Variants in TRIOBP observed in about 807,000 individuals in gnomAD.
TRIOBP encodes the protein TRIO and F-actin binding protein.
Under a neutral mutation model 238.8 loss-of-function variants are expected in TRIOBP, and 169 were observed. That is an observed-to-expected ratio of 0.71 (90% confidence interval 0.62 to 0.80). The LOEUF (loss-of-function observed/expected upper bound fraction) is 0.80, where lower values mean the gene tolerates loss of function less well. TRIOBP is among the 30% of genes least tolerant of loss of function. TRIOBP has a pLI of 0.00. For synonymous variants in TRIOBP, 1,150 were observed against 1,274.4 expected (o/e 0.90, Z 2.08); for missense variants, 2,838 against 3,122.6 (o/e 0.91, Z 2.17).
Position 37,725,173 on chromosome 22 carries a change from A to T in TRIOBP, c.2617A>T (p.Thr873Ser). Residue 873 changes from threonine to serine, a missense_variant, in exon 7 of 24, where the codon ACC (threonine) becomes TCC (serine). By Grantham distance (58) the Thr-to-Ser change is moderately conservative. This residue lies in a region of TRIOBP where 2,096 missense variants were observed against 2,137.4 expected (regional missense o/e 0.98). Transcript: ENST00000644935. ...NPGTSSSQCC[T>S]QKENLRPSSP... ...TGGAACCTCCTCATCTCAATGCTGC[A>T]CCCAAAAGGAGAATCTGAGACCATC... 1 of 1,614,012 alleles carries T rather than the reference A, an allele frequency of 6.2e-7. No individual in the cohort carries two copies.
intron 4 of TRIOBP, among the ~76,000 whole-genome samples, chr22:37,712,221 T>C (rs539370732): frequency 6.6e-6 from 1 of 152,168 alleles, no homozygotes; most frequent in Non-Finnish European, 1.5e-5. Context: ...GGCATCTTGC[T>C]CTATCACCCA....
intron 9 of TRIOBP, among the ~76,000 whole-genome samples, chr22:37,737,556 GAGGCTAAGAC>G (rs1924731292): frequency 6.6e-6 from 1 of 151,462 alleles, no homozygotes; most frequent in South Asian, 2.1e-4. Context: ...AGCTACTTGG[GAGGCTAAGAC>G]AGGAGAATGG....
chr22:37,701,385 A>T lies in TRIOBP; in HGVS notation c.20A>T (p.Asp7Val), dbSNP rs747005976. MEEVPG[D>V]ALCEHFEANI... ...CCCAATATGGAGGAGGTGCCTGGGG[A>T]TGCCCTGTGTGAACACTTTGAGGCC... The change falls in exon 3 of 24, where the codon GAT becomes GTT. Residue 7 changes from aspartate to valine, a missense_variant. Asp to Val is a radical substitution (Grantham distance 152, BLOSUM62 -3). Coordinates refer to ENST00000644935, the MANE Select transcript of TRIOBP (RefSeq NM_001039141.3). 4.3e-6 allele frequency: 7 copies of T among 1,613,378 alleles called. No individual in the cohort carries two copies. The African/African-American group carries it at 8.0e-5, about 18-fold the overall frequency.
At chr22:37,731,194 G>A (rs1924405193) in intron 7 of TRIOBP, among the ~76,000 whole-genome samples, 1 of 151,984 alleles carries the variant, frequency 6.6e-6, no homozygotes, top group South Asian at 2.1e-4. Flanking sequence ...CTGGAATGCA[G>A]TGGCATGATC....
rs879340508 is a variant in TRIOBP, at chr22:37,723,999, T to C, written c.1443T>C (p.Cys481=). The change falls in exon 7 of 24, where the codon TGT becomes TGC. Residue 481 remains cysteine, a synonymous_variant. Transcript: ENST00000644935. ...CACGAGACAACCCCAGAACATCCTG[T>C]GCCCAGCGGGACAATCCCAGAGCCT... ...RATRDNPRTS[C]AQRDNPRASS... 6.4e-6 allele frequency: 10 copies of C among 1,561,996 alleles called. No homozygotes were observed. Among genetic ancestry groups the C allele is most frequent in the Admixed American group, 5.4e-5 (3 of 55,194 alleles).
At position 37,713,200 on chromosome 22, in the gene TRIOBP, C is replaced by T. The variant is rs1276724019; in HGVS notation, c.255-10C>T. ...TCCCCATTACTTTTTGGGTCTGTCT[C>T]CTCTCCCAGGGGCCCATCCCCCTCA... On this transcript the variant is annotated splice_polypyrimidine_tract_variant and intron_variant, in intron 4 of 23. Coordinates refer to ENST00000644935, the MANE Select transcript of TRIOBP (RefSeq NM_001039141.3). 1.1e-5 allele frequency: 18 copies of T among 1,611,584 alleles called. No individual in the cohort carries two copies. The highest frequency in any genetic ancestry group is 5.5e-5 in the South Asian group (5 of 90,960).
intron 11 of TRIOBP, 32 bp from the exon 12 acceptor site, chr22:37,751,740 C>A (rs763400420): frequency 3.7e-6 from 6 of 1,613,572 alleles, no homozygotes; most frequent in African/African-American, 1.3e-5. Context: ...TCCTGCTGGA[C>A]CCAACTCACC....
At chr22:37,701,849 T>C (rs1321473289) in intron 3 of TRIOBP, among the ~76,000 whole-genome samples, 1 of 152,188 alleles carries the variant, frequency 6.6e-6, no homozygotes, top group Non-Finnish European at 1.5e-5. Context: ...AGGTAGAGGC[T>C]GGGCACGGTG....
rs576868265 is a variant in TRIOBP at position 37,770,736 on chromosome 22, G to T, written c.6850-914G>T. Among the ~76,000 whole-genome samples, 3 of 147,084 alleles carry T rather than the reference G, an allele frequency of 2.0e-5. No homozygotes were observed. The East Asian group carries it at 6.3e-4, about 31-fold the overall frequency. On this transcript the variant is annotated intron_variant, in intron 21 of 23. Transcript: ENST00000644935. ...GTCACTCTGTCACCCAGGCTGGAGT[G>T]CAGTGGCACCATCTCGGCTCACTGC...
rs762227221 is a variant in TRIOBP, at chr22:37,769,157, G to T, written c.6705G>T (p.Gln2235His). Residue 2235 changes from glutamine to histidine, a missense_variant, in exon 20 of 24, where the codon CAG (glutamine) becomes CAT (histidine). Around this residue, in one of 5 missense-constraint regions of TRIOBP, gnomAD observed 2,096 missense variants for 2,137.4 expected, o/e 0.98. Coordinates refer to ENST00000644935, the MANE Select transcript of TRIOBP (RefSeq NM_001039141.3). The stretch of plus-strand genomic sequence containing the variant: ...AGCACACGCTGCGCCGCTGCCAGCA[G>T]GAGGGCCAGGAGCTGCTGCGCCACA... Reference protein sequence around the residue: ...EREHTLRRCQQEGQELLRHNQ... With the variant: ...EREHTLRRCQHEGQELLRHNQ... The T allele has an allele frequency of 1.2e-6, 2 of 1,611,090 alleles. No homozygotes were observed. Among genetic ancestry groups the T allele is most frequent in the Non-Finnish European group, 1.7e-6 (2 of 1,179,092 alleles).
intron 4 of TRIOBP, 96 bp from the exon 5 acceptor site, chr22:37,713,114 G>A: frequency 1.7e-6 from 2 of 1,151,484 alleles, no homozygotes; most frequent in Non-Finnish European, 2.5e-6. Flanking sequence ...CAGCGTGTGG[G>A]CCCCAGGCTC....
Position 37,718,551 on chromosome 22 carries a change from T to C in TRIOBP, c.628+2617T>C, listed in dbSNP as rs537489238. 1.1e-4 allele frequency among the ~76,000 whole-genome samples: 9 copies of C among 82,150 alleles called. No individual in the cohort carries two copies. The South Asian group carries it at 4.2e-3, about 39-fold the overall frequency. The allele number at this position is 82,150 out of a possible 152,430, so 53.9% of individuals were successfully genotyped here. A position where few individuals can be genotyped will look rare whatever the true frequency, so the allele number is the denominator to read the frequency against. ...ATAATATGCCCCCTGATATGATGCA[T>C]GGGGTCAGGGGAGGGGATGCTGGGG... is the stretch of plus-strand genomic sequence containing the variant. On this transcript the variant is annotated intron_variant, in intron 6 of 23. Coordinates refer to ENST00000644935, the MANE Select transcript of TRIOBP (RefSeq NM_001039141.3).
At position 37,701,334 on chromosome 22, in the gene TRIOBP, C is replaced by A; in HGVS notation, c.-32C>A. On this transcript the variant is annotated 5_prime_UTR_variant, in exon 3 of 24. Transcript: ENST00000644935. ...TCACATAGACGGTCAGCCATTGGAT[C>A]ATAGGAACTGCCCTGGCCTGACTCA... The A allele has an allele frequency of 1.3e-6, 2 of 1,560,192 alleles. No homozygotes were observed. The highest frequency in any genetic ancestry group is 2.3e-5 in the South Asian group (2 of 87,440).
intron 12 of TRIOBP, among the ~76,000 whole-genome samples, chr22:37,752,186 G>A (rs1456300191): frequency 6.6e-6 from 1 of 152,188 alleles, no homozygotes; most frequent in Non-Finnish European, 1.5e-5. Context: ...GGTCTGAGGG[G>A]GGTGGGGCTC....
Position 37,769,463 on chromosome 22 carries a change from GT to G in TRIOBP, c.6849+89del, listed in dbSNP as rs1223138610. ...CCCCGCCATAGGCTGGGTATCACCT[GT>G]GGCAGGAAAGCCAAGTCTCCCAGTG... On this transcript the variant is annotated intron_variant, in intron 21 of 23. Transcript: ENST00000644935. The G allele has an allele frequency of 2.2e-5, 29 of 1,331,576 alleles. No individual in the cohort carries two copies. The South Asian group carries it at 3.4e-4, about 16-fold the overall frequency. 82.5% of individuals were successfully genotyped at this position (1,331,576 alleles called of 1,614,324 possible).
At chr22:37,702,790 C>T (rs1358118231) in intron 3 of TRIOBP, among the ~76,000 whole-genome samples, 1 of 151,876 alleles carries the variant, frequency 6.6e-6, no homozygotes, top group African/African-American at 2.4e-5. Flanking sequence ...GCAGGGACTA[C>T]AGGCACATGC....
chr22:37,725,419 C>G lies in TRIOBP; in HGVS notation c.2863C>G (p.Pro955Ala). The G allele has an allele frequency of 6.2e-7, 1 of 1,610,352 alleles. No individual in the cohort carries two copies. Residue 955 changes from proline to alanine, a missense_variant, in exon 7 of 24, where the codon CCA (proline) becomes GCA (alanine). Around this residue, in one of 5 missense-constraint regions of TRIOBP, gnomAD observed 2,096 missense variants for 2,137.4 expected, o/e 0.98. Coordinates refer to ENST00000644935, the MANE Select transcript of TRIOBP (RefSeq NM_001039141.3). Reference protein sequence around the residue: ...DRPQTSSPSRPAQHDPPQSSF... With the variant: ...DRPQTSSPSRAAQHDPPQSSF... ...GCCTCAGACATCCTCTCCCAGCAGG[C>G]CAGCCCAGCATGACCCACCCCAGTC...
In TRIOBP at chr22:37,725,964, C is replaced by A; in HGVS notation, c.3408C>A (p.Phe1136Leu). 1 of 1,610,796 alleles carries A rather than the reference C, an allele frequency of 6.2e-7. No individual in the cohort carries two copies. Among genetic ancestry groups the A allele is most frequent in the Non-Finnish European group, 8.5e-7 (1 of 1,179,140 alleles). The change falls in exon 7 of 24, where the codon TTC becomes TTA. Residue 1136 changes from phenylalanine (F) to leucine (L), a missense_variant. This residue lies in a region of TRIOBP where 2,096 missense variants were observed against 2,137.4 expected (regional missense o/e 0.98). Coordinates refer to ENST00000644935, the MANE Select transcript of TRIOBP (RefSeq NM_001039141.3). ...AGGCCCCAGAGCCTTCCCTCTTATT[C>A]CAGGACCTCCCCAGGGCCAGCACAG... Reference protein sequence around the residue: ...PRQAPEPSLLFQDLPRASTES... With the variant: ...PRQAPEPSLLLQDLPRASTES...
intron 4 of TRIOBP, among the ~76,000 whole-genome samples, chr22:37,710,870 C>G (rs1007865685): frequency 9.9e-5 from 15 of 152,230 alleles, no homozygotes; most frequent in Non-Finnish European, 1.9e-4. Context: ...AGCTTTGCCC[C>G]AGGGTGTGTG....
Sources: gnomAD v4.1 joint callset for allele counts (sites outside exome capture counted in the v4.1 genomes callset) on GRCh38, gnomAD v4.1.1 for gene constraint, gnomAD v4.1.1 regional missense constraint, MANE v1.5 for transcripts, NCBI Gene and HGNC (gene_info 2026-07-23, HGNC 2026-07-21) for gene names.